The following CADM2 variants were observed in gnomAD, a reference collection of about 807,000 sequenced individuals.
The protein encoded by CADM2 is cell adhesion molecule 2, also known as immunoglobulin superfamily member 4D.
CADM2 carries 12 observed loss-of-function variants against 49.8 expected under a neutral mutation model. The observed-to-expected ratio is 0.24, with a 90% CI of 0.15 to 0.39. The LOEUF is 0.39. Among genes scored for constraint, CADM2 ranks in the 10% least tolerant of loss-of-function variants. CADM2 has a pLI of 1.00. For missense variants in CADM2, 378 were observed against 492.3 expected (o/e 0.77, Z 2.20); for synonymous variants, 214 against 175.4 (o/e 1.22, Z -1.74).
chr3:86,007,761 A>G (rs1000373350), intron 8 of CADM2, among the ~76,000 whole-genome samples: 1 of 152,204 alleles, frequency 6.6e-6, no homozygotes, highest in Admixed American at 6.5e-5. Flanking sequence ...TTACATTACT[A>G]TGGAGTTTCT....
At chr3:85,361,831 C>A (rs2032381388) in intron 1 of CADM2, among the ~76,000 whole-genome samples, 1 of 152,178 alleles carries the variant, frequency 6.6e-6, no homozygotes, top group South Asian at 2.1e-4. Flanking sequence ...TAGTCAATTT[C>A]TGAGAAGCTA....
intron 1 of CADM2, among the ~76,000 whole-genome samples, chr3:85,503,524 ATTCTT>A (rs1447924597): frequency 6.6e-6 from 1 of 152,192 alleles, no homozygotes; most frequent in African/African-American, 2.4e-5. Context: ...ATGCTGGATC[ATTCTT>A]TTATTATTTC....
At chr3:85,142,846 G>A (rs766416734) in intron 1 of CADM2, among the ~76,000 whole-genome samples, 8 of 152,144 alleles carry the variant, frequency 5.3e-5, no homozygotes, top group African/African-American at 9.7e-5. Context: ...AAATCAGGAC[G>A]ATGACCCTAA....
intron 1 of CADM2, among the ~76,000 whole-genome samples, chr3:84,998,865 G>A (rs1292422905): frequency 1.3e-5 from 2 of 151,938 alleles, no homozygotes; most frequent in Non-Finnish European, 2.9e-5. Flanking sequence ...AGAAATGGAT[G>A]CAAAAAAATA....
intron 8 of CADM2, among the ~76,000 whole-genome samples, chr3:86,035,653 T>C (rs1405288405): frequency 6.6e-6 from 1 of 152,126 alleles, no homozygotes; most frequent in Non-Finnish European, 1.5e-5. Context: ...ATCCCATTTA[T>C]AGCTCTTGAT....
chr3:85,415,932 T>C (rs1163666661), intron 1 of CADM2, among the ~76,000 whole-genome samples: 1 of 152,092 alleles, frequency 6.6e-6, no homozygotes, highest in Non-Finnish European at 1.5e-5. Context: ...ATATATTATT[T>C]ACTGTGACAT....
chr3:85,111,021 C>T lies in CADM2; in HGVS notation c.61+151353C>T, dbSNP rs891450274. Reference sequence around the variant, plus strand: ...CCCATCTACCTTTTTATGTAAGCAACTTTTTAAAAGTACATGAATAATGTA... The same window carrying T: ...CCCATCTACCTTTTTATGTAAGCAATTTTTTAAAAGTACATGAATAATGTA... On this transcript the variant is annotated intron_variant, in intron 1 of 9. Transcript: ENST00000383699. Among the ~76,000 whole-genome samples the T allele has an allele frequency of 1.3e-5, 2 of 151,864 alleles. 1 individual carries two copies.
chr3:85,250,578 A>G (rs1034617809), intron 1 of CADM2, among the ~76,000 whole-genome samples: 4 of 151,676 alleles, frequency 2.6e-5, no homozygotes, highest in African/African-American at 7.2e-5. Context: ...CAAATTTTAT[A>G]TAGTCAGTGA....
intron 1 of CADM2, among the ~76,000 whole-genome samples, chr3:85,042,201 C>A (rs1350879629): frequency 6.6e-6 from 1 of 152,124 alleles, no homozygotes; most frequent in Non-Finnish European, 1.5e-5. Flanking sequence ...CAAATGGCAA[C>A]AAGGAGAGTG....
intron 1 of CADM2, among the ~76,000 whole-genome samples, chr3:85,665,810 C>T (rs1184426338): frequency 6.6e-6 from 1 of 151,924 alleles, no homozygotes; most frequent in Non-Finnish European, 1.5e-5. Context: ...ATTCTCCCGT[C>T]GTTTCCAACC....
chr3:85,214,339 C>T (rs1455018212), intron 1 of CADM2, among the ~76,000 whole-genome samples: 1 of 152,068 alleles, frequency 6.6e-6, no homozygotes, highest in Non-Finnish European at 1.5e-5. Context: ...AGAGGTAACA[C>T]AGGCACCTCT....
rs559257158 is a variant in CADM2 at position 85,367,036 on chromosome 3, C to A, written c.62-359486C>A. On this transcript the variant is annotated intron_variant, in intron 1 of 9. Coordinates refer to ENST00000383699, the MANE Select transcript of CADM2 (RefSeq NM_001167675.2). ...TAACTGATTTCTCAAATAAATATTTCTCAAATATTTCTGTGTCAAAGAATA... is the reference window on the plus strand; with the variant it reads ...TAACTGATTTCTCAAATAAATATTTATCAAATATTTCTGTGTCAAAGAATA... Among the ~76,000 whole-genome samples the A allele has an allele frequency of 1.1e-4, 17 of 152,010 alleles. No homozygotes were observed. The East Asian group carries it at 3.3e-3, about 29-fold the overall frequency.
chr3:85,005,744 T>G (rs1054217420), intron 1 of CADM2, among the ~76,000 whole-genome samples: 2 of 152,010 alleles, frequency 1.3e-5, no homozygotes, highest in Admixed American at 1.3e-4. Context: ...TTCACTGACC[T>G]GATTTGGATT....
At chr3:85,081,491 T>C (rs41495948) in intron 1 of CADM2, among the ~76,000 whole-genome samples, 12,398 of 152,226 alleles carry the variant, frequency 0.081, 1,670 homozygotes, top group African/African-American at 0.28. Context: ...AACTTTGGCC[T>C]GGTTATTTCA....
chr3:85,027,272 GC>G (rs2034777883), intron 1 of CADM2, among the ~76,000 whole-genome samples: 1 of 151,388 alleles, frequency 6.6e-6, no homozygotes, highest in South Asian at 2.1e-4. Flanking sequence ...CCGCCACCAA[GC>G]CCGGCTAACT....
At chr3:85,006,019 G>A (rs141058403) in intron 1 of CADM2, among the ~76,000 whole-genome samples, 77 of 152,170 alleles carry the variant, frequency 5.1e-4, no homozygotes, top group Admixed American at 3.0e-3. Context: ...TAGATGTACG[G>A]CCAGCAGAAG....
At chr3:85,487,550 G>A in intron 1 of CADM2, among the ~76,000 whole-genome samples, 1 of 150,328 alleles carries the variant, frequency 6.7e-6, no homozygotes, top group South Asian at 2.1e-4. Flanking sequence ...GGAGGACGAG[G>A]AGGAGGAGGA....
intron 2 of CADM2, among the ~76,000 whole-genome samples, chr3:85,794,010 A>C (rs1185940217): frequency 1.3e-5 from 2 of 152,216 alleles, no homozygotes; most frequent in African/African-American, 2.4e-5. Context: ...TTTAAGGTGC[A>C]TAAATATGGC....
chr3:85,827,709 T>C (rs2073986098), intron 3 of CADM2, among the ~76,000 whole-genome samples: 1 of 152,030 alleles, frequency 6.6e-6, no homozygotes, highest in Admixed American at 6.6e-5. Flanking sequence ...TATTTTCATA[T>C]AAGTCTTTAG....
Sources: gnomAD v4.1 joint callset for allele counts (sites outside exome capture counted in the v4.1 genomes callset) on GRCh38, gnomAD v4.1.1 for gene constraint, MANE v1.5 for transcripts, NCBI Gene and HGNC (gene_info 2026-07-23, HGNC 2026-07-21) for gene names.